COBL: variants seen among roughly 807,000 people sequenced by gnomAD.
COBL encodes the protein protein cordon-bleu.
A neutral mutation model predicts 98.8 loss-of-function variants in COBL; 51 were observed. The observed-to-expected ratio is 0.52, with a 90% CI of 0.41 to 0.65. The LOEUF (loss-of-function observed/expected upper bound fraction) is 0.65. Among genes scored for constraint, COBL ranks in the 30% least tolerant of loss-of-function variants. The pLI is 0.00. For missense variants in COBL, 1,617 were observed against 1,617.5 expected (o/e 1.00, Z 0.01); for synonymous variants, 634 against 651.7 (o/e 0.97, Z 0.41).
chr7:51,307,563 C>T (rs1229165502), intron 1 of COBL, among the ~76,000 whole-genome samples: 1 of 152,114 alleles, frequency 6.6e-6, no homozygotes, highest in East Asian at 1.9e-4. Flanking sequence ...TTTGGGTCCT[C>T]CTTTAGAAAA....
chr7:51,147,539 G>C (rs931431560), intron 5 of COBL, among the ~76,000 whole-genome samples: 5 of 152,064 alleles, frequency 3.3e-5, no homozygotes, highest in Non-Finnish European at 7.4e-5. Flanking sequence ...TGATTGGCTA[G>C]CAACTTAGAA....
chr7:51,297,391 CTTTTTTTTT>C (rs71021766), intron 1 of COBL, among the ~76,000 whole-genome samples: 2 of 119,280 alleles, frequency 1.7e-5, no homozygotes, highest in Non-Finnish European at 3.3e-5. Context: ...TTTTGAAAAT[CTTTTTTTTT>C]TTTTTTTTTG....
At chr7:51,168,838 G>A (rs1240239027) in intron 5 of COBL, among the ~76,000 whole-genome samples, 1 of 152,216 alleles carries the variant, frequency 6.6e-6, no homozygotes, top group African/African-American at 2.4e-5. Flanking sequence ...TTGCAGCACT[G>A]TTCACAATAG....
intron 2 of COBL, among the ~76,000 whole-genome samples, chr7:51,207,416 C>T (rs1791844547): frequency 6.6e-6 from 1 of 152,172 alleles, no homozygotes; most frequent in South Asian, 2.1e-4. Context: ...CCCTCTCCCT[C>T]TCCCTCGCAC....
intron 1 of COBL, 88 bp from the exon 2 acceptor site, chr7:51,220,032 G>T: frequency 1.6e-6 from 2 of 1,262,104 alleles, no homozygotes; most frequent in Non-Finnish European, 2.2e-6. Context: ...ACTCAGGTCT[G>T]TCTTCAGGAG....
At chr7:51,072,672 TAGAATAATGAAGAGAAC>T (rs1424658386) in intron 7 of COBL, 1 of 152,210 alleles carries the variant, frequency 6.6e-6, no homozygotes, top group African/African-American at 2.4e-5. Context: ...AAGAAATGAA[TAGAATAATGAAGAGAAC>T]AGAATAATGA....
At chr7:51,262,673 A>T (rs1797822859) in intron 1 of COBL, among the ~76,000 whole-genome samples, 1 of 152,194 alleles carries the variant, frequency 6.6e-6, no homozygotes, top group South Asian at 2.1e-4. Flanking sequence ...GCAAACAATC[A>T]AAGTGATTTA....
In COBL at chr7:51,145,884, C is replaced by T. The variant is rs114674777; in HGVS notation, c.784-9553G>A. 8.2e-3 allele frequency among the ~76,000 whole-genome samples: 1,255 copies of T among 152,338 alleles called. 23 individuals are homozygous for T. Among genetic ancestry groups the T allele is most frequent in the African/African-American group, 0.029 (1,191 of 41,584 alleles). ...GTTTTGAACTGCACTTCCCCCACTACTAATGAGGTGGAGGCATCTTTCCGT... is the reference window on the plus strand; with the variant it reads ...GTTTTGAACTGCACTTCCCCCACTATTAATGAGGTGGAGGCATCTTTCCGT... On this transcript the variant is annotated intron_variant, in intron 5 of 12. Transcript: ENST00000265136.
intron 1 of COBL, among the ~76,000 whole-genome samples, chr7:51,235,888 GA>G (rs1795209719): frequency 6.6e-6 from 1 of 152,094 alleles, no homozygotes; most frequent in South Asian, 2.1e-4. Context: ...CCTGGGCCGA[GA>G]GGGCCCCCAC....
At chr7:51,174,103 C>T (rs138010611) in intron 5 of COBL, among the ~76,000 whole-genome samples, 1 of 152,206 alleles carries the variant, frequency 6.6e-6, no homozygotes, top group African/African-American at 2.4e-5. Flanking sequence ...GTTTCCAATC[C>T]TTTTTCTTGA....
intron 1 of COBL, among the ~76,000 whole-genome samples, chr7:51,282,829 A>C (rs1438704856): frequency 1.3e-5 from 2 of 152,148 alleles, no homozygotes; most frequent in Non-Finnish European, 2.9e-5. Context: ...TAAAAAAAAA[A>C]AATTACAAGG....
chr7:51,064,368 TCC>T (rs1405875505), intron 7 of COBL: 1 of 151,324 alleles, frequency 6.6e-6, no homozygotes, highest in Non-Finnish European at 1.5e-5. Context: ...TAGGTATATA[TCC>T]CCAAGAAATG....
At chr7:51,288,967 TA>T (rs1563130800) in intron 1 of COBL, among the ~76,000 whole-genome samples, 4 of 152,072 alleles carry the variant, frequency 2.6e-5, no homozygotes, top group African/African-American at 9.6e-5. Flanking sequence ...AAGAACAATA[TA>T]AAATAGTCCT....
At chr7:51,309,443 ACTTTATGTTCCTC>A (rs1802811155) in intron 1 of COBL, among the ~76,000 whole-genome samples, 3 of 152,144 alleles carry the variant, frequency 2.0e-5, no homozygotes, top group Admixed American at 2.0e-4. Flanking sequence ...AGCCACTGTC[ACTTTATGTTCCTC>A]AAAATAAGAC....
intron 2 of COBL, among the ~76,000 whole-genome samples, chr7:51,198,870 A>G (rs1790840698): frequency 6.6e-6 from 1 of 152,186 alleles, no homozygotes; most frequent in Admixed American, 6.5e-5. Context: ...TGGGATCCAG[A>G]TAGGAGGTTG....
intron 1 of COBL, among the ~76,000 whole-genome samples, chr7:51,310,044 TG>T (rs964703952): frequency 1.2e-4 from 19 of 152,168 alleles, no homozygotes; most frequent in African/African-American, 4.3e-4. Context: ...GAAGCTGCGG[TG>T]GCAAACAAAG....
intron 1 of COBL, among the ~76,000 whole-genome samples, chr7:51,241,780 G>C (rs4948208): frequency 6.6e-6 from 1 of 151,890 alleles, no homozygotes; most frequent in African/African-American, 2.4e-5. Context: ...CATGATCCTC[G>C]TTCCTCAGCT....
intron 1 of COBL, among the ~76,000 whole-genome samples, chr7:51,306,445 G>A (rs1338294895): frequency 1.6e-4 from 25 of 152,192 alleles, no homozygotes; most frequent in Admixed American, 9.8e-4. Context: ...TACTTTGAAG[G>A]AAGCTCGTTT....
intron 5 of COBL, among the ~76,000 whole-genome samples, chr7:51,183,322 T>C (rs1789169808): frequency 6.6e-6 from 1 of 152,232 alleles, no homozygotes; most frequent in South Asian, 2.1e-4. Context: ...AGTTTTGTCT[T>C]TTTTAGTCTT....
Sources: allele counts gnomAD v4.1 joint callset (sites outside exome capture counted in the v4.1 genomes callset), GRCh38; gene constraint gnomAD v4.1.1; transcripts MANE v1.5; gene names NCBI Gene and HGNC (gene_info 2026-07-23, HGNC 2026-07-21).